Variants in CTNND2 observed in about 807,000 individuals in gnomAD.
The protein encoded by CTNND2 is catenin delta 2.
Under a neutral mutation model 144.4 loss-of-function variants are expected in CTNND2, and 22 were observed. The ratio of observed to expected loss-of-function variants is 0.15; its 90% CI spans 0.11 to 0.22. The LOEUF (loss-of-function observed/expected upper bound fraction) is 0.22. Ranked by LOEUF, CTNND2 falls within the 10% of genes least tolerant of loss-of-function variation. The pLI, the probability that CTNND2 is intolerant of heterozygous loss-of-function variation, is 1.00. For missense variants in CTNND2, 1,353 were observed against 1,618.8 expected (o/e 0.84, Z 2.82); for synonymous variants, 751 against 695.6 (o/e 1.08, Z -1.25).
chr5:11,800,088 A>G (rs1213875953), intron 1 of CTNND2, among the ~76,000 whole-genome samples: 1 of 152,178 alleles, frequency 6.6e-6, no homozygotes, highest in African/African-American at 2.4e-5. Flanking sequence ...TTAAGCAATG[A>G]CTGTCAACTT....
intron 1 of CTNND2, among the ~76,000 whole-genome samples, chr5:11,757,774 G>C (rs1388278159): frequency 6.6e-6 from 1 of 151,900 alleles, no homozygotes; most frequent in Non-Finnish European, 1.5e-5. Flanking sequence ...TCTATGACTT[G>C]TCAAAGTAGT....
chr5:11,056,650 C>A (rs1033030622), intron 16 of CTNND2, among the ~76,000 whole-genome samples: 2 of 152,242 alleles, frequency 1.3e-5, no homozygotes, highest in Admixed American at 6.5e-5. Context: ...GGGCTCATTG[C>A]ACAATCTTAA....
rs771400484 is a variant in CTNND2, at chr5:10,988,252, G to T, written c.3212-10C>A. Reference sequence around the variant, plus strand: ...GAAGCTGGGGCACTTGCTACATAAAGAAATCAAAAGGGGGATTTTCTGCAT... The same window carrying T: ...GAAGCTGGGGCACTTGCTACATAAATAAATCAAAAGGGGGATTTTCTGCAT... On this transcript the variant is annotated splice_polypyrimidine_tract_variant and intron_variant, in intron 19 of 21. Coordinates refer to ENST00000304623, the MANE Select transcript of CTNND2 (RefSeq NM_001332.4). This position sits in a 1 kb window ranked among gnomAD's most constrained non-coding sequence, Gnocchi z 5.9. 2.5e-6 allele frequency: 4 copies of T among 1,614,080 alleles called. No homozygotes were observed. Among genetic ancestry groups the T allele is most frequent in the Admixed American group, 1.7e-5 (1 of 60,026 alleles).
intron 16 of CTNND2, among the ~76,000 whole-genome samples, chr5:11,025,033 C>T (rs189923352): frequency 4.6e-5 from 7 of 152,220 alleles, no homozygotes; most frequent in Middle Eastern, 3.4e-3. Flanking sequence ...ACTTTACTGT[C>T]GAGGAAACTC....
intron 1 of CTNND2, among the ~76,000 whole-genome samples, chr5:11,813,876 C>T (rs559399085): frequency 2.6e-5 from 4 of 152,256 alleles, no homozygotes; most frequent in Admixed American, 2.6e-4. Context: ...TAAAATGATG[C>T]TATAATTTTC....
intron 3 of CTNND2, among the ~76,000 whole-genome samples, chr5:11,487,086 A>G (rs1310041082): frequency 6.6e-6 from 1 of 152,202 alleles, no homozygotes; most frequent in Non-Finnish European, 1.5e-5. Flanking sequence ...TTGTATTGGT[A>G]AGATTTTATT....
chr5:11,858,801 T>C (rs1303340259), intron 1 of CTNND2, among the ~76,000 whole-genome samples: 2 of 151,998 alleles, frequency 1.3e-5, no homozygotes, highest in Non-Finnish European at 2.9e-5. Context: ...TGGTGGCGGG[T>C]GCCTGTAGCC....
intron 1 of CTNND2, among the ~76,000 whole-genome samples, chr5:11,785,451 T>G (rs1328600164): frequency 6.6e-6 from 1 of 152,218 alleles, no homozygotes. Context: ...ATGTTATTTT[T>G]TAAAAAACTA....
rs532711805 is a variant in CTNND2 at position 11,441,042 on chromosome 5, A to T, written c.288-28973T>A. ...GGATTTAGAAGAATCTACTTTTGTT[A>T]TCTAAAGAGCTGAAAACATAATGTA... On this transcript the variant is annotated intron_variant, in intron 3 of 21. Coordinates refer to ENST00000304623, the MANE Select transcript of CTNND2 (RefSeq NM_001332.4). Among the ~76,000 whole-genome samples, 3 of 152,326 alleles carry T rather than the reference A, an allele frequency of 2.0e-5. No individual in the cohort carries two copies. The East Asian group carries it at 5.8e-4, about 29-fold the overall frequency.
chr5:11,771,723 ACCT>A (rs1789953543), intron 1 of CTNND2, among the ~76,000 whole-genome samples: 1 of 152,200 alleles, frequency 6.6e-6, no homozygotes, highest in South Asian at 2.1e-4. Context: ...TAATTTAGCT[ACCT>A]GAGCTACTGT....
intron 11 of CTNND2, among the ~76,000 whole-genome samples, chr5:11,183,851 G>A (rs963389992): frequency 2.6e-4 from 40 of 152,042 alleles, no homozygotes; most frequent in East Asian, 3.9e-4. Flanking sequence ...GAGCCACCGC[G>A]CCTGGCCTAG....
At chr5:11,291,035 G>A (rs1355309813) in intron 9 of CTNND2, among the ~76,000 whole-genome samples, 2 of 152,096 alleles carry the variant, frequency 1.3e-5, no homozygotes, top group African/African-American at 4.8e-5. Flanking sequence ...TACATGAAGA[G>A]AAGTGAAGAG....
chr5:10,996,898 A>G (rs930275975), intron 18 of CTNND2, among the ~76,000 whole-genome samples: 6 of 152,060 alleles, frequency 3.9e-5, no homozygotes, highest in African/African-American at 1.4e-4. Flanking sequence ...TGCCCGGCCA[A>G]TTTTGCTGAT....
chr5:11,875,891 A>C (rs544393424), intron 1 of CTNND2, among the ~76,000 whole-genome samples: 1 of 152,344 alleles, frequency 6.6e-6, no homozygotes, highest in African/African-American at 2.4e-5. Flanking sequence ...AAAGTAATCA[A>C]GGTTATCAAG....
intron 2 of CTNND2, among the ~76,000 whole-genome samples, chr5:11,630,413 G>A (rs1781357021): frequency 6.6e-6 from 1 of 152,290 alleles, no homozygotes; most frequent in Non-Finnish European, 1.5e-5. Flanking sequence ...GCAACCAGGG[G>A]TGCAGGTGTG....
At chr5:11,822,763 A>G (rs1443439120) in intron 1 of CTNND2, among the ~76,000 whole-genome samples, 10 of 152,158 alleles carry the variant, frequency 6.6e-5, no homozygotes, top group South Asian at 2.1e-4. Context: ...ACCTGAGTCC[A>G]ACAATTTATG....
In CTNND2 at chr5:11,059,778, T is replaced by C. The variant is rs77058573; in HGVS notation, c.2788+22918A>G. 9.2e-3 allele frequency among the ~76,000 whole-genome samples: 1,400 copies of C among 152,216 alleles called. 12 individuals carry two copies. The highest frequency in any genetic ancestry group is 0.016 in the Non-Finnish European group (1,085 of 68,010). The stretch of plus-strand genomic sequence containing the variant: ...ATATAAGATTAAAAAATCATTCACC[T>C]ACCACCAAGATTCAATTGAATGAAA... On this transcript the variant is annotated intron_variant, in intron 16 of 21. Coordinates refer to ENST00000304623, the MANE Select transcript of CTNND2 (RefSeq NM_001332.4).
intron 3 of CTNND2, among the ~76,000 whole-genome samples, chr5:11,450,898 CAAAAAAAAAAAA>C (rs758941655): frequency 6.1e-5 from 5 of 81,510 alleles, no homozygotes; most frequent in Admixed American, 1.7e-4. Context: ...AACTCCATCT[CAAAAAAAAAAAA>C]AAAAAAAAAA....
intron 12 of CTNND2, among the ~76,000 whole-genome samples, chr5:11,135,683 G>T (rs140791044): frequency 6.6e-6 from 1 of 152,290 alleles, no homozygotes; most frequent in East Asian, 1.9e-4. Context: ...CAACTCCAAA[G>T]AAAATTAGGA....
Sources: gnomAD v4.1 joint callset for allele counts (sites outside exome capture counted in the v4.1 genomes callset) on GRCh38, gnomAD v4.1.1 for gene constraint, Gnocchi (gnomAD v3.1) non-coding constraint, MANE v1.5 for transcripts, NCBI Gene and HGNC (gene_info 2026-07-23, HGNC 2026-07-21) for gene names.